The following DPP10 variants were observed in gnomAD, a reference collection of about 807,000 sequenced individuals.
The protein encoded by DPP10 is inactive dipeptidyl peptidase 10.
DPP10 carries 33 observed loss-of-function variants against 120.9 expected under a neutral mutation model. That is an observed-to-expected ratio of 0.27 (90% CI 0.21 to 0.37). The LOEUF is 0.37. Among genes scored for constraint, DPP10 ranks in the 10% least tolerant of loss-of-function variants. The probability of loss-of-function intolerance (pLI) is 1.00; values close to 1 mark genes in which losing one functional copy is unlikely to be tolerated. For synonymous variants in DPP10, 337 were observed against 326.1 expected, an observed-to-expected ratio of 1.03 and a Z score of -0.36; for missense variants, 816 against 942.8, an observed-to-expected ratio of 0.87 and a Z score of 1.76.
chr2:115,420,741 A>G (rs2069867873), intron 3 of DPP10, among the ~76,000 whole-genome samples: 1 of 152,192 alleles, frequency 6.6e-6, no homozygotes, highest in Non-Finnish European at 1.5e-5. Context: ...CCTGGCAGCC[A>G]TGATTTTTAA....
chr2:115,456,019 A>G (rs971719464), intron 3 of DPP10, among the ~76,000 whole-genome samples: 9 of 152,166 alleles, frequency 5.9e-5, no homozygotes, highest in African/African-American at 2.2e-4. Flanking sequence ...CTACCATCAG[A>G]GTGAACAGGC....
intron 3 of DPP10, among the ~76,000 whole-genome samples, chr2:115,456,768 C>T (rs1337125554): frequency 6.6e-6 from 1 of 151,894 alleles, no homozygotes; most frequent in Non-Finnish European, 1.5e-5. Flanking sequence ...AATGAGAACA[C>T]ATGGTGAACA....
At chr2:114,793,172 A>T (rs1683397207) in intron 1 of DPP10, among the ~76,000 whole-genome samples, 1 of 152,072 alleles carries the variant, frequency 6.6e-6, no homozygotes, top group Non-Finnish European at 1.5e-5. Context: ...TTATACTTTA[A>T]GTTCTGGGAT....
intron 1 of DPP10, among the ~76,000 whole-genome samples, chr2:114,666,126 C>T (rs1387494158): frequency 1.3e-5 from 2 of 152,130 alleles, no homozygotes; most frequent in Admixed American, 6.5e-5. Context: ...CATCACTGAA[C>T]ACTTCATCAA....
intron 3 of DPP10, among the ~76,000 whole-genome samples, chr2:115,474,168 T>C (rs1283329087): frequency 1.4e-5 from 1 of 69,870 alleles, no homozygotes; most frequent in African/African-American, 4.8e-5. Context: ...TCACTGAATG[T>C]TCATAATCAC....
At chr2:114,897,348 T>C (rs1056056085) in intron 1 of DPP10, among the ~76,000 whole-genome samples, 2 of 152,178 alleles carry the variant, frequency 1.3e-5, no homozygotes, top group African/African-American at 4.8e-5. Context: ...AGAATTCGGC[T>C]GTGAATCCAT....
chr2:115,451,953 C>T (rs1481493933), intron 3 of DPP10, among the ~76,000 whole-genome samples: 1 of 151,524 alleles, frequency 6.6e-6, no homozygotes, highest in African/African-American at 2.4e-5. Context: ...ATTAAATCCC[C>T]CCAAAATGGA....
At chr2:114,680,291 T>C (rs1202039283) in intron 1 of DPP10, among the ~76,000 whole-genome samples, 1 of 152,034 alleles carries the variant, frequency 6.6e-6, no homozygotes, top group Non-Finnish European at 1.5e-5. Flanking sequence ...TATGATTTTG[T>C]AATCACTCTA....
chr2:114,515,398 A>G (rs1371658032), intron 1 of DPP10, among the ~76,000 whole-genome samples: 3 of 152,222 alleles, frequency 2.0e-5, no homozygotes, highest in Non-Finnish European at 4.4e-5. Flanking sequence ...TCCAGGCAAG[A>G]GGACCATAGC....
chr2:114,678,359 A>G (rs1698803741), intron 1 of DPP10, among the ~76,000 whole-genome samples: 1 of 151,980 alleles, frequency 6.6e-6, no homozygotes, highest in Non-Finnish European at 1.5e-5. Context: ...TTTCACTCTA[A>G]CCCTATATTT....
chr2:115,784,455 TA>T (rs1683114256), intron 17 of DPP10, among the ~76,000 whole-genome samples: 1 of 152,208 alleles, frequency 6.6e-6, no homozygotes, highest in African/African-American at 2.4e-5. Flanking sequence ...TTAATAACAT[TA>T]AAAATTTACA....
intron 5 of DPP10, among the ~76,000 whole-genome samples, chr2:115,568,553 C>T (rs1210403314): frequency 6.8e-6 from 1 of 147,720 alleles, no homozygotes; most frequent in Non-Finnish European, 1.5e-5. Flanking sequence ...TGAGGTTGAT[C>T]TTTTTTTTTT....
intron 1 of DPP10, among the ~76,000 whole-genome samples, chr2:114,683,489 C>CCAACCT: frequency 1.3e-5 from 2 of 151,068 alleles, no homozygotes; most frequent in Non-Finnish European, 3.0e-5. Flanking sequence ...TCCTTTCCTT[C>CCAACCT]CCTTCCCTTC....
intron 1 of DPP10, among the ~76,000 whole-genome samples, chr2:114,443,294 T>C (rs1677760935): frequency 6.6e-6 from 1 of 152,178 alleles, no homozygotes; most frequent in Non-Finnish European, 1.5e-5. Flanking sequence ...AGCATTGAAC[T>C]GGTGGTTATA....
intron 5 of DPP10, among the ~76,000 whole-genome samples, chr2:115,665,434 A>G (rs1559000098): frequency 5.3e-5 from 8 of 152,230 alleles, no homozygotes; most frequent in Admixed American, 3.3e-4. Flanking sequence ...CAGAGATGTT[A>G]AAGTGTGAAA....
At chr2:115,087,541 T>TTC (rs1708823408) in intron 1 of DPP10, among the ~76,000 whole-genome samples, 1 of 139,516 alleles carries the variant, frequency 7.2e-6, no homozygotes, top group Non-Finnish European at 1.6e-5. Context: ...TTCTTTTCTT[T>TTC]TTTTTTTTTT....
chr2:115,112,741 A>C (rs2049293947), intron 1 of DPP10, among the ~76,000 whole-genome samples: 1 of 152,352 alleles, frequency 6.6e-6, no homozygotes, highest in East Asian at 1.9e-4. Context: ...AAAGGATACA[A>C]AATTTCAGTT....
intron 1 of DPP10, among the ~76,000 whole-genome samples, chr2:115,252,963 T>C (rs1217463597): frequency 6.6e-6 from 1 of 152,248 alleles, no homozygotes; most frequent in Admixed American, 6.5e-5. Flanking sequence ...AATCTCAGTG[T>C]ATTAGGCTAT....
At chr2:115,262,705 G>A (rs904830268) in intron 1 of DPP10, among the ~76,000 whole-genome samples, 1 of 152,096 alleles carries the variant, frequency 6.6e-6, no homozygotes, top group African/African-American at 2.4e-5. Flanking sequence ...TAAATTGCAT[G>A]CTTAGAAATT....
Sources: gnomAD v4.1 joint callset for allele counts (sites outside exome capture counted in the v4.1 genomes callset) on GRCh38, gnomAD v4.1.1 for gene constraint, MANE v1.5 for transcripts, NCBI Gene and HGNC (gene_info 2026-07-23, HGNC 2026-07-21) for gene names.